The following DHDDS variants were observed in gnomAD, a reference collection of about 807,000 sequenced individuals.
DHDDS encodes the protein dehydrodolichyl diphosphate synthase subunit, also known as dehydrodolichyl diphosphate synthase complex subunit DHDDS.
Under a neutral mutation model 46.2 loss-of-function variants are expected in DHDDS, and 16 were observed. The ratio of observed to expected loss-of-function variants is 0.35; its 90% CI spans 0.23 to 0.53. DHDDS has a LOEUF of 0.53. DHDDS is among the 20% of genes least tolerant of loss of function. The pLI is 0.94. For synonymous variants in DHDDS, 151 were observed against 163.1 expected, an observed-to-expected ratio of 0.93 and a Z score of 0.56; for missense variants, 340 against 423.7, an observed-to-expected ratio of 0.80 and a Z score of 1.73.
At chr1:26,468,767 T>A in intron 8 of DHDDS, 128 bp from the exon 9 acceptor site, 1 of 1,327,940 alleles carries the variant, frequency 7.5e-7, no homozygotes. Flanking sequence ...TTTTCAAATC[T>A]GGTACCTACT....
intron 6 of DHDDS, chr1:26,454,910 T>C: frequency 6.2e-7 from 1 of 1,600,698 alleles, no homozygotes; most frequent in Non-Finnish European, 8.5e-7. Flanking sequence ...TTTAAGCATG[T>C]GCAGCAAAAA....
intron 8 of DHDDS, among the ~76,000 whole-genome samples, chr1:26,466,832 T>C (rs1230416951): frequency 6.6e-6 from 1 of 152,202 alleles, no homozygotes; most frequent in African/African-American, 2.4e-5. Context: ...ATTCATTATC[T>C]CATTTTTCCT....
At chr1:26,452,738 G>C (rs945767585) in intron 6 of DHDDS, among the ~76,000 whole-genome samples, 10 of 152,160 alleles carry the variant, frequency 6.6e-5, no homozygotes, top group African/African-American at 2.4e-4. Context: ...CAGAGCCTGT[G>C]TTCTCATTCA....
intron 8 of DHDDS, among the ~76,000 whole-genome samples, chr1:26,465,969 G>T (rs1429922479): frequency 2.6e-5 from 4 of 152,326 alleles, no homozygotes; most frequent in African/African-American, 9.6e-5. Context: ...CTCTCTCCAG[G>T]TGCCAACAGA....
chr1:26,437,308 A>G (rs1439209094), intron 2 of DHDDS, among the ~76,000 whole-genome samples: 2 of 152,202 alleles, frequency 1.3e-5, no homozygotes, highest in East Asian at 3.9e-4. Context: ...GAAGCCCAGC[A>G]TAGTATTTGG....
chr1:26,446,706 G>A (rs1480363122), intron 5 of DHDDS, among the ~76,000 whole-genome samples: 1 of 150,286 alleles, frequency 6.7e-6, no homozygotes, highest in African/African-American at 2.5e-5. Flanking sequence ...GTGTGTGTGT[G>A]TGGGTGTGTT....
chr1:26,444,263 G>C (rs2075245599), intron 4 of DHDDS, among the ~76,000 whole-genome samples: 1 of 152,214 alleles, frequency 6.6e-6, no homozygotes, highest in Admixed American at 6.5e-5. Flanking sequence ...AGAACCCCAA[G>C]GTCTGAGGAG....
chr1:26,440,455 T>C (rs1352164609), intron 3 of DHDDS, among the ~76,000 whole-genome samples: 1 of 152,214 alleles, frequency 6.6e-6, no homozygotes, highest in African/African-American at 2.4e-5. Flanking sequence ...TTTGCCTCAG[T>C]TTCTTCATCT....
intron 5 of DHDDS, among the ~76,000 whole-genome samples, chr1:26,446,742 A>T (rs1456775315): frequency 6.6e-6 from 1 of 151,992 alleles, no homozygotes; most frequent in Non-Finnish European, 1.5e-5. Flanking sequence ...ATGGGATCGG[A>T]ATACAGCAGT....
chr1:26,457,718 C>A, intron 6 of DHDDS, 73 bp from the exon 7 acceptor site: 1 of 1,180,382 alleles, frequency 8.5e-7, no homozygotes, highest in Non-Finnish European at 1.3e-6. Context: ...TATGGAAGTT[C>A]ACCATGAGAA....
chr1:26,462,050 G>T (rs58578241), intron 8 of DHDDS, among the ~76,000 whole-genome samples: 1 of 150,820 alleles, frequency 6.6e-6, no homozygotes, highest in African/African-American at 2.4e-5. Context: ...GGATAATCAC[G>T]TGCTATTTTT....
At chr1:26,436,339 G>A (rs1159298288) in intron 2 of DHDDS, among the ~76,000 whole-genome samples, 1 of 152,098 alleles carries the variant, frequency 6.6e-6, no homozygotes, top group Non-Finnish European at 1.5e-5. Context: ...GGTGGAGGTT[G>A]CAAATGACCT....
chr1:26,468,811 G>GCCCCC, intron 8 of DHDDS, 84 bp from the exon 9 acceptor site: 1 of 637,980 alleles, frequency 1.6e-6, no homozygotes, highest in Non-Finnish European at 2.6e-6. Flanking sequence ...CCCACCCTGT[G>GCCCCC]CCCCACCCCC....
Position 26,462,917 on chromosome 1 carries a change from T to C in DHDDS, c.765+2773T>C, listed in dbSNP as rs1274493598. ...AAGTAAACAAATATATAAGTTCCGA[T>C]TGTAATAAGGCAGTGAAGAATACAG... On this transcript the variant is annotated intron_variant, in intron 8 of 8. Coordinates refer to ENST00000236342, the MANE Select transcript of DHDDS (RefSeq NM_205861.3). 3.9e-5 allele frequency: 6 copies of C among 152,290 alleles called. No individual in the cohort carries two copies. In the South Asian group the frequency reaches 1.0e-3, roughly 26 times the overall value. 9.4% of individuals were successfully genotyped at this position (152,290 alleles called of 1,614,324 possible).
chr1:26,441,354 G>A (rs759035683), intron 3 of DHDDS, among the ~76,000 whole-genome samples: 18 of 151,736 alleles, frequency 1.2e-4, no homozygotes, highest in East Asian at 5.9e-4. Context: ...GTGCGCCACC[G>A]CACCCAGCTA....
chr1:26,443,057 T>TTATTAA, intron 4 of DHDDS, 184 bp downstream of exon 4: 1 of 1,166,968 alleles, frequency 8.6e-7, no homozygotes, highest in Non-Finnish European at 1.2e-6. Flanking sequence ...TCTAACTTTT[T>TTATTAA]AATAAAAAAG....
intron 4 of DHDDS, 108 bp downstream of exon 4, chr1:26,442,981 T>G: frequency 6.4e-7 from 1 of 1,560,212 alleles, no homozygotes; most frequent in Non-Finnish European, 8.7e-7. Context: ...GCAACTCTTT[T>G]TAATGTTAGT....
In DHDDS at chr1:26,442,915, C is replaced by T. The variant is rs370670204; in HGVS notation, c.323+42C>T. The stretch of plus-strand genomic sequence containing the variant: ...GGGGAGAGCATGTTCTTCCACCACC[C>T]CCAGCCTTATCCTAACCCTTGAAAT... On this transcript the variant is annotated intron_variant, in intron 4 of 8. Transcript: ENST00000236342. 71 of 1,613,210 alleles carry T rather than the reference C, an allele frequency of 4.4e-5. No individual in the cohort carries two copies. The African/African-American group carries it at 8.7e-4, about 20-fold the overall frequency.
intron 6 of DHDDS, among the ~76,000 whole-genome samples, chr1:26,455,948 G>T (rs2075366458): frequency 6.6e-6 from 1 of 152,254 alleles, no homozygotes; most frequent in Admixed American, 6.5e-5. Flanking sequence ...TGGGTAGTTG[G>T]TAGGACAGGT....
Sources: allele counts gnomAD v4.1 joint callset (sites outside exome capture counted in the v4.1 genomes callset), GRCh38; gene constraint gnomAD v4.1.1; transcripts MANE v1.5; gene names NCBI Gene and HGNC (gene_info 2026-07-23, HGNC 2026-07-21).